Variants in PLA2G7 observed in about 807,000 individuals in gnomAD.
PLA2G7 encodes the protein platelet-activating factor acetylhydrolase.
In PLA2G7, 63 loss-of-function variants were observed where a neutral mutation model predicts 49.6. The observed-to-expected ratio is 1.27, with a 90% CI of 1.04 to 1.57. PLA2G7 has a LOEUF of 1.57. Among genes scored for constraint, PLA2G7 ranks in the 40% most tolerant of loss-of-function variants. The probability of loss-of-function intolerance (pLI) is 0.00; values close to 1 mark genes in which losing one functional copy is unlikely to be tolerated. For synonymous variants in PLA2G7, 193 were observed against 169.9 expected, an observed-to-expected ratio of 1.14 and a Z score of -1.06; for missense variants, 596 against 521.2, an observed-to-expected ratio of 1.14 and a Z score of -1.40.
At position 46,704,630 on chromosome 6, in the gene PLA2G7, C is replaced by G; in HGVS notation, c.1256G>C (p.Gly419Ala). Residue 419 changes from glycine (G) to alanine (A), a missense_variant, in exon 12 of 12, where the codon GGG becomes GCG. By Grantham distance (60) the Gly-to-Ala change is moderately conservative. Transcript: ENST00000274793. ...TTGATTGGTTGTGTTAATGTTGGTC[C>G]CTGGAATAAGATTCTCATCATCTCC... ...IEGDDENLIPGTNINTTNQHI... is the reference protein window; with the variant it reads ...IEGDDENLIPATNINTTNQHI... The G allele has an allele frequency of 6.3e-7, 1 of 1,583,612 alleles. No homozygotes were observed. The highest frequency in any genetic ancestry group is 8.7e-7 in the Non-Finnish European group (1 of 1,152,212).
chr6:46,721,372 A>G (rs1274528452), intron 2 of PLA2G7, among the ~76,000 whole-genome samples: 2 of 152,054 alleles, frequency 1.3e-5, no homozygotes, highest in African/African-American at 2.4e-5. Flanking sequence ...AACATTTAGA[A>G]TGGGCATTGC....
chr6:46,726,474 G>C (rs1765577532), intron 1 of PLA2G7, among the ~76,000 whole-genome samples: 1 of 152,108 alleles, frequency 6.6e-6, no homozygotes, highest in South Asian at 2.1e-4. Context: ...AGCTAGAAAT[G>C]TATTTATATT....
intron 10 of PLA2G7, among the ~76,000 whole-genome samples, chr6:46,707,214 C>T (rs1346638171): frequency 6.6e-6 from 1 of 152,180 alleles, no homozygotes; most frequent in Non-Finnish European, 1.5e-5. Flanking sequence ...TTGCAGGTCT[C>T]AGTCGATAAT....
chr6:46,710,692 G>A (rs762911598), intron 7 of PLA2G7, 34 bp from the exon 8 acceptor site: 2 of 1,502,884 alleles, frequency 1.3e-6, no homozygotes, highest in Non-Finnish European at 1.9e-6. Context: ...AAATGACAAA[G>A]TAAAAAGTTA....
intron 2 of PLA2G7, among the ~76,000 whole-genome samples, chr6:46,721,176 G>T (rs1562076522): frequency 6.6e-6 from 1 of 151,922 alleles, no homozygotes; most frequent in Admixed American, 6.6e-5. Flanking sequence ...AAGTAGCTAG[G>T]ACTACAGGTG....
At chr6:46,706,547 A>G (rs1383060350) in intron 10 of PLA2G7, among the ~76,000 whole-genome samples, 1 of 152,082 alleles carries the variant, frequency 6.6e-6, no homozygotes, top group African/African-American at 2.4e-5. Flanking sequence ...CAAGGTTGAG[A>G]CTCTGAAGAG....
At chr6:46,727,325 T>C (rs1048329563) in intron 1 of PLA2G7, among the ~76,000 whole-genome samples, 3 of 152,180 alleles carry the variant, frequency 2.0e-5, no homozygotes, top group Admixed American at 6.5e-5. Context: ...AATCTCGAGT[T>C]TGAAATCTCT....
intron 2 of PLA2G7, among the ~76,000 whole-genome samples, chr6:46,719,047 C>T (rs547955215): frequency 3.7e-4 from 57 of 152,316 alleles, no homozygotes; most frequent in South Asian, 2.5e-3. Flanking sequence ...CAGCTTCATC[C>T]GTTCTCCTTT....
intron 2 of PLA2G7, 150 bp from the exon 3 acceptor site, chr6:46,717,246 G>T (rs780737291): frequency 9.4e-6 from 7 of 741,160 alleles, no homozygotes; most frequent in Non-Finnish European, 1.7e-5. Flanking sequence ...AATTATTGAG[G>T]GTCTGCTCTG....
chr6:46,730,761 G>A lies in PLA2G7; in HGVS notation c.-35+4419C>T, dbSNP rs192897785. Among the ~76,000 whole-genome samples, 67 of 152,222 alleles carry A rather than the reference G, an allele frequency of 4.4e-4. No homozygotes were observed. In the East Asian group the frequency reaches 0.011, roughly 26 times the overall value. On this transcript the variant is annotated intron_variant, in intron 1 of 11. Transcript: ENST00000274793. Reference sequence around the variant, plus strand: ...AGCAACTAATTCAACCTTTCAAAACGTGAGTGAAACAAATAGATTTCTGGC... The same window carrying A: ...AGCAACTAATTCAACCTTTCAAAACATGAGTGAAACAAATAGATTTCTGGC...
Position 46,704,504 on chromosome 6 carries a change from A to G in PLA2G7, c.*56T>C, listed in dbSNP as rs994766379. 3.1e-6 allele frequency: 3 copies of G among 982,400 alleles called. No individual in the cohort carries two copies. The highest frequency in any genetic ancestry group is 3.2e-5 in the African/African-American group (2 of 62,398). 60.9% of individuals were successfully genotyped at this position (982,400 alleles called of 1,614,324 possible). On this transcript the variant is annotated 3_prime_UTR_variant, in exon 12 of 12. Transcript: ENST00000274793. The stretch of plus-strand genomic sequence containing the variant: ...CACACACACACACACACACACACAC[A>G]CACACATAATTTTAGACAGTTTTGA...
chr6:46,734,344 TGTGA>T (rs1765823461), intron 1 of PLA2G7, among the ~76,000 whole-genome samples: 1 of 149,024 alleles, frequency 6.7e-6, no homozygotes, highest in Non-Finnish European at 1.5e-5. Flanking sequence ...GAGAAGGGTG[TGTGA>T]GAGAGAGAGC....
chr6:46,716,611 G>A (rs765174107), intron 3 of PLA2G7, 83 bp from the exon 4 acceptor site: 56 of 1,410,698 alleles, frequency 4.0e-5, no homozygotes, highest in Non-Finnish European at 5.5e-5. Context: ...TTTAATTAGT[G>A]GGGACTCAAA....
rs1051493265 is a variant in PLA2G7, at chr6:46,735,316, C to G, written c.-171G>C. Reference sequence around the variant, plus strand: ...CGAGCCTCCGACCAGCCGCTGTCCCCCTGGCTGCGGGCCGAGCAGCTCTGG... The same window carrying G: ...CGAGCCTCCGACCAGCCGCTGTCCCGCTGGCTGCGGGCCGAGCAGCTCTGG... On this transcript the variant is annotated 5_prime_UTR_variant, in exon 1 of 12. Coordinates refer to ENST00000274793, the MANE Select transcript of PLA2G7 (RefSeq NM_005084.4). 1.3e-5 allele frequency: 2 copies of G among 152,482 alleles called. No homozygotes were observed. Among genetic ancestry groups the G allele is most frequent in the African/African-American group, 4.8e-5 (2 of 41,476 alleles). 9.4% of individuals were successfully genotyped at this position (152,482 alleles called of 1,614,324 possible).
intron 4 of PLA2G7, among the ~76,000 whole-genome samples, chr6:46,715,025 G>A (rs532369823): frequency 8.5e-5 from 13 of 152,146 alleles, no homozygotes; most frequent in Admixed American, 5.2e-4. Flanking sequence ...GTGAGCCACC[G>A]CACCCGGCGT....
intron 1 of PLA2G7, among the ~76,000 whole-genome samples, chr6:46,731,724 G>A (rs183689952): frequency 6.6e-6 from 1 of 152,248 alleles, no homozygotes; most frequent in East Asian, 1.9e-4. Context: ...AATACAATAT[G>A]AGCAAATAAT....
chr6:46,707,290 C>T (rs1437597770), intron 10 of PLA2G7, among the ~76,000 whole-genome samples: 1 of 152,100 alleles, frequency 6.6e-6, no homozygotes, highest in East Asian at 1.9e-4. Context: ...TAGCTCTACC[C>T]CCAAAAATCT....
chr6:46,710,342 A>G (rs1348442121), intron 8 of PLA2G7, among the ~76,000 whole-genome samples: 2 of 152,126 alleles, frequency 1.3e-5, no homozygotes, highest in South Asian at 2.1e-4. Flanking sequence ...ACTTTTGGCA[A>G]TTTCATATCT....
At chr6:46,706,748 A>G (rs528779888) in intron 10 of PLA2G7, among the ~76,000 whole-genome samples, 4 of 152,344 alleles carry the variant, frequency 2.6e-5, no homozygotes, top group African/African-American at 9.6e-5. Flanking sequence ...GTAAGGAAAT[A>G]GGGTTGAGGG....
Sources: allele counts gnomAD v4.1 joint callset (sites outside exome capture counted in the v4.1 genomes callset), GRCh38; gene constraint gnomAD v4.1.1; transcripts MANE v1.5; gene names NCBI Gene and HGNC (gene_info 2026-07-23, HGNC 2026-07-21).